Variants in STAU2 observed in about 807,000 individuals in gnomAD.
The protein encoded by STAU2 is double-stranded RNA-binding protein Staufen homolog 2.
In STAU2, 20 loss-of-function variants were observed where a neutral mutation model predicts 65.9. The observed-to-expected ratio is 0.30, with a 90% CI of 0.21 to 0.44. The LOEUF (loss-of-function observed/expected upper bound fraction) is 0.44, where lower values mean the gene tolerates loss of function less well. Ranked by LOEUF, STAU2 falls within the 20% of genes least tolerant of loss-of-function variation. The pLI, the probability that STAU2 is intolerant of heterozygous loss-of-function variation, is 1.00. For synonymous variants in STAU2, 232 were observed against 233.9 expected, an observed-to-expected ratio of 0.99 and a Z score of 0.07; for missense variants, 558 against 683.9, an observed-to-expected ratio of 0.82 and a Z score of 2.05.
upstream of STAU2, chr8:73,746,876 G>GGCTCCCC (rs1202361693): frequency 3.4e-6 from 4 of 1,181,616 alleles, no homozygotes; most frequent in Admixed American, 4.6e-5. Context: ...CCACCCCTCG[G>GGCTCCCC]GCTCCCCGCC....
At chr8:73,610,027 G>A (rs760002376) in intron 9 of STAU2, among the ~76,000 whole-genome samples, 4 of 151,756 alleles carry the variant, frequency 2.6e-5, no homozygotes, top group African/African-American at 7.3e-5. Flanking sequence ...GCCTTTAATC[G>A]CAGCACTTTG....
intron 6 of STAU2, among the ~76,000 whole-genome samples, chr8:73,627,241 G>A (rs1488053651): frequency 8.0e-6 from 1 of 125,022 alleles, no homozygotes; most frequent in Non-Finnish European, 1.7e-5. Flanking sequence ...GCAGGAGGGC[G>A]GGTTCCCTGG....
chr8:73,528,156 A>G (rs1363108436), intron 13 of STAU2, among the ~76,000 whole-genome samples: 1 of 152,118 alleles, frequency 6.6e-6, no homozygotes, highest in African/African-American at 2.4e-5. Flanking sequence ...TTCTAATGTA[A>G]CTTTGTCAAC....
At chr8:73,566,093 G>C (rs1808586418) in intron 12 of STAU2, among the ~76,000 whole-genome samples, 1 of 152,188 alleles carries the variant, frequency 6.6e-6, no homozygotes, top group South Asian at 2.1e-4. Flanking sequence ...TGAGGCAGCA[G>C]ATATTCTCCT....
intron 6 of STAU2, among the ~76,000 whole-genome samples, chr8:73,627,205 C>CAGCGGGGGGGGGGGGGGGG (rs1813707591): frequency 2.5e-4 from 1 of 3,996 alleles, no homozygotes; most frequent in Non-Finnish European, 6.0e-4. Flanking sequence ...TGCAGGAATA[C>CAGCGGGGGGGGGGGGGGGG]GGCGGGGGGG....
chr8:73,714,228 A>G (rs1477981188), intron 3 of STAU2, among the ~76,000 whole-genome samples: 1 of 152,048 alleles, frequency 6.6e-6, no homozygotes, highest in Non-Finnish European at 1.5e-5. Flanking sequence ...ATGTCTCTTT[A>G]CTGGTTCCCC....
intron 13 of STAU2, among the ~76,000 whole-genome samples, chr8:73,492,560 A>T (rs1821201752): frequency 6.6e-6 from 1 of 151,944 alleles, no homozygotes; most frequent in Admixed American, 6.6e-5. Context: ...TGCCATCAAC[A>T]TACACACACA....
intron 9 of STAU2, among the ~76,000 whole-genome samples, chr8:73,610,520 CAG>C (rs1812368739): frequency 8.4e-6 from 1 of 119,554 alleles, no homozygotes; most frequent in South Asian, 2.9e-4. Context: ...GCTTGGGAGA[CAG>C]AGTTAGACCC....
At chr8:73,542,660 A>G (rs1400453997) in intron 13 of STAU2, among the ~76,000 whole-genome samples, 1 of 152,162 alleles carries the variant, frequency 6.6e-6, no homozygotes, top group African/African-American at 2.4e-5. Context: ...AAACTGAGTA[A>G]AAGATGTGGA....
At chr8:73,573,280 A>T (rs1036108881) in intron 12 of STAU2, among the ~76,000 whole-genome samples, 3 of 152,272 alleles carry the variant, frequency 2.0e-5, no homozygotes, top group African/African-American at 7.2e-5. Flanking sequence ...AGGACATTCC[A>T]TGCTCATGGA....
At chr8:73,501,801 C>T (rs1197553487) in intron 13 of STAU2, among the ~76,000 whole-genome samples, 1 of 152,020 alleles carries the variant, frequency 6.6e-6, no homozygotes, top group Non-Finnish European at 1.5e-5. Context: ...TTGTCAATTG[C>T]TCTTTTGGCT....
intron 13 of STAU2, among the ~76,000 whole-genome samples, chr8:73,453,429 T>C (rs750606048): frequency 6.6e-6 from 1 of 152,248 alleles, no homozygotes; most frequent in African/African-American, 2.4e-5. Context: ...ACAATGACTA[T>C]GTAAGCATAT....
At chr8:73,453,520 C>T (rs1231519699) in intron 13 of STAU2, among the ~76,000 whole-genome samples, 2 of 152,200 alleles carry the variant, frequency 1.3e-5, no homozygotes, top group East Asian at 3.8e-4. Context: ...AGCAAACACA[C>T]TCTAGATTCT....
intron 12 of STAU2, 43 bp from the exon 13 acceptor site, chr8:73,552,362 C>A (rs770522011): frequency 3.1e-5 from 47 of 1,522,696 alleles, no homozygotes; most frequent in Non-Finnish European, 3.7e-5. Context: ...CTTAAAATAA[C>A]CGAAATAGAA....
At chr8:73,698,918 A>C (rs1269196721) in intron 4 of STAU2, among the ~76,000 whole-genome samples, 2 of 77,406 alleles carry the variant, frequency 2.6e-5, no homozygotes, top group Non-Finnish European at 5.1e-5. Context: ...CGAGTCTTAA[A>C]ACATTAAAAA....
chr8:73,656,015 C>T (rs1415377733), intron 6 of STAU2, among the ~76,000 whole-genome samples: 1 of 151,972 alleles, frequency 6.6e-6, no homozygotes, highest in African/African-American at 2.4e-5. Context: ...AATCTCCTGA[C>T]CTTGTGATCC....
chr8:73,422,719 A>T lies in STAU2; in HGVS notation c.1531-17T>A. On this transcript the variant is annotated splice_polypyrimidine_tract_variant and intron_variant, in intron 13 of 14. Transcript: ENST00000524300. Reference sequence around the variant, plus strand: ...TAAGGCTGCCTAAAAATGAAAACAAACAGAGAGAGCCATTCACTGACTCTA... The same window carrying T: ...TAAGGCTGCCTAAAAATGAAAACAATCAGAGAGAGCCATTCACTGACTCTA... The T allele has an allele frequency of 6.9e-7, 1 of 1,444,184 alleles. No individual in the cohort carries two copies. Among genetic ancestry groups the T allele is most frequent in the Non-Finnish European group, 9.1e-7 (1 of 1,100,564 alleles). 89.5% of individuals were successfully genotyped at this position (1,444,184 alleles called of 1,614,324 possible).
chr8:73,485,430 A>C (rs1820865470), intron 13 of STAU2, among the ~76,000 whole-genome samples: 1 of 152,058 alleles, frequency 6.6e-6, no homozygotes, highest in South Asian at 2.1e-4. Context: ...TTACAATCCA[A>C]TTACCAAGTG....
intron 13 of STAU2, among the ~76,000 whole-genome samples, chr8:73,445,808 T>C (rs1818435387): frequency 6.6e-6 from 1 of 152,164 alleles, no homozygotes; most frequent in Non-Finnish European, 1.5e-5. Flanking sequence ...ACAGCTGACA[T>C]AAAAAGTAGT....
Sources: allele counts gnomAD v4.1 joint callset (sites outside exome capture counted in the v4.1 genomes callset), GRCh38; gene constraint gnomAD v4.1.1; transcripts MANE v1.5; gene names NCBI Gene and HGNC (gene_info 2026-07-23, HGNC 2026-07-21).